Variants in JAK1 observed in about 807,000 individuals in gnomAD.
The protein encoded by JAK1 is tyrosine-protein kinase JAK1.
In JAK1, 16 loss-of-function variants were observed where a neutral mutation model predicts 136.6. The ratio of observed to expected loss-of-function variants is 0.12; its 90% CI spans 0.08 to 0.18. The LOEUF (loss-of-function observed/expected upper bound fraction) is 0.18. JAK1 is among the 10% of genes least tolerant of loss of function. The probability of loss-of-function intolerance (pLI) is 1.00; values close to 1 mark genes in which losing one functional copy is unlikely to be tolerated. For missense variants in JAK1, 859 were observed against 1,450.1 expected, an observed-to-expected ratio of 0.59 and a Z score of 6.62; for synonymous variants, 492 against 519.5, an observed-to-expected ratio of 0.95 and a Z score of 0.72.
intron 1 of JAK1, among the ~76,000 whole-genome samples, chr1:65,065,445 A>G (rs1381649452): frequency 6.6e-6 from 1 of 152,146 alleles, no homozygotes; most frequent in Non-Finnish European, 1.5e-5. Context: ...TAAGGAACAG[A>G]GGGTGACAAC....
At chr1:64,851,052 C>A in intron 11 of JAK1, 142 bp from the exon 12 acceptor site, 2 of 643,672 alleles carry the variant, frequency 3.1e-6, no homozygotes, top group Admixed American at 2.3e-5. Flanking sequence ...ATTCAATAGG[C>A]ATATGGCTCC....
chr1:64,839,541 G>T, intron 20 of JAK1, 62 bp downstream of exon 20: 1 of 1,466,274 alleles, frequency 6.8e-7, no homozygotes, highest in Non-Finnish European at 9.3e-7. Context: ...TTTTGCACTG[G>T]CCTTTATGAC....
At chr1:64,922,039 C>T (rs1373163987) in intron 1 of JAK1, among the ~76,000 whole-genome samples, 1 of 151,866 alleles carries the variant, frequency 6.6e-6, no homozygotes, top group South Asian at 2.1e-4. Flanking sequence ...GACATTTAGA[C>T]ATTCCATCAC....
chr1:64,869,496 C>T (rs1474756720), intron 5 of JAK1, 22 bp from the exon 6 acceptor site: 2 of 1,607,652 alleles, frequency 1.2e-6, no homozygotes, highest in Admixed American at 3.4e-5. Flanking sequence ...GGGGAGAAAC[C>T]ATGAGAGCCC....
At chr1:64,848,633 T>G (rs1570629846) in intron 12 of JAK1, among the ~76,000 whole-genome samples, 3 of 152,310 alleles carry the variant, frequency 2.0e-5, no homozygotes, top group South Asian at 4.1e-4. Flanking sequence ...CAAGTTGCAA[T>G]AATTCTGCTT....
chr1:65,034,250 G>A (rs1431816656), intron 2 of JAK1, among the ~76,000 whole-genome samples: 6 of 152,172 alleles, frequency 3.9e-5, no homozygotes, highest in Non-Finnish European at 8.8e-5. Flanking sequence ...ATATAAATAG[G>A]GTGAGATCAG....
At chr1:64,987,668 T>C (rs966319120) in intron 2 of JAK1, 4 of 152,230 alleles carry the variant, frequency 2.6e-5, no homozygotes, top group Non-Finnish European at 5.9e-5. Context: ...TAAGTCTTCC[T>C]GCAGCCTGAA....
chr1:64,888,072 C>A (rs1173258477), intron 1 of JAK1, among the ~76,000 whole-genome samples: 2 of 152,240 alleles, frequency 1.3e-5, no homozygotes, highest in African/African-American at 4.8e-5. Context: ...GGTCACAACT[C>A]AGCCTTTTAG....
intron 1 of JAK1, among the ~76,000 whole-genome samples, chr1:64,886,941 T>C (rs1422653780): frequency 6.6e-6 from 1 of 152,228 alleles, no homozygotes; most frequent in Non-Finnish European, 1.5e-5. Flanking sequence ...CTCAGTTTTC[T>C]GTCTGGCCAC....
chr1:64,866,224 T>G (rs769217025), intron 7 of JAK1, among the ~76,000 whole-genome samples: 8 of 152,218 alleles, frequency 5.3e-5, no homozygotes, highest in Non-Finnish European at 1.2e-4. Context: ...GGAGTAATTT[T>G]TAGCTGCTGA....
intron 1 of JAK1, among the ~76,000 whole-genome samples, chr1:64,906,608 C>T (rs908384429): frequency 6.6e-6 from 1 of 152,202 alleles, no homozygotes; most frequent in African/African-American, 2.4e-5. Context: ...ACCTACACTG[C>T]TACTACGCCA....
chr1:65,046,880 T>G (rs1015532498), intron 1 of JAK1, among the ~76,000 whole-genome samples: 3 of 148,320 alleles, frequency 2.0e-5, no homozygotes, highest in African/African-American at 7.7e-5. Context: ...CTCTTTTTTT[T>G]TTTTTTTTTT....
chr1:64,987,851 G>C (rs1265365473), intron 2 of JAK1, among the ~76,000 whole-genome samples: 1 of 152,176 alleles, frequency 6.6e-6, no homozygotes, highest in Non-Finnish European at 1.5e-5. Context: ...TGGACTGTCT[G>C]GAGATAACAT....
intron 1 of JAK1, among the ~76,000 whole-genome samples, chr1:64,942,888 T>TA (rs975508407): frequency 1.3e-5 from 2 of 152,054 alleles, no homozygotes; most frequent in Non-Finnish European, 2.9e-5. Flanking sequence ...TTAATTTTTT[T>TA]AAAAAAAGAA....
In JAK1 at chr1:64,908,739, T is replaced by TAC. The variant is rs3050464; in HGVS notation, c.-77-22400_-77-22399dup. Among the ~76,000 whole-genome samples the TAC allele has an allele frequency of 1.5e-4, 22 of 150,588 alleles. No individual in the cohort carries two copies. The South Asian group carries it at 1.7e-3, about 11-fold the overall frequency. Reference sequence around the variant, plus strand: ...ACTGTGTGTATGTTCATGGCAAACATACACACACACACACACACCCCTTGT... The same window carrying TAC: ...ACTGTGTGTATGTTCATGGCAAACATACACACACACACACACACACCCCTTGT... On this transcript the variant is annotated intron_variant, in intron 1 of 24. Transcript: ENST00000342505.
At chr1:64,955,659 C>T (rs777846765) in intron 1 of JAK1, among the ~76,000 whole-genome samples, 1 of 152,178 alleles carries the variant, frequency 6.6e-6, no homozygotes, top group Non-Finnish European at 1.5e-5. Context: ...GATCAGTAGT[C>T]AGACACGGAA....
intron 1 of JAK1, among the ~76,000 whole-genome samples, chr1:65,058,037 T>C (rs542598105): frequency 7.9e-5 from 12 of 152,308 alleles, no homozygotes; most frequent in African/African-American, 1.4e-4. Context: ...GCTTTTTTTT[T>C]CTCCCTGTAA....
At chr1:64,986,076 AC>A in intron 2 of JAK1, 1 of 1,090,508 alleles carries the variant, frequency 9.2e-7, no homozygotes, top group Non-Finnish European at 1.4e-6. Context: ...AGATGGGGTG[AC>A]CTTCTATGTC....
intron 1 of JAK1, among the ~76,000 whole-genome samples, chr1:64,941,088 T>C (rs934262268): frequency 6.6e-5 from 10 of 152,166 alleles, no homozygotes; most frequent in African/African-American, 2.4e-4. Context: ...CACCTGAACA[T>C]GCAAGGCAGG....
Sources: allele counts gnomAD v4.1 joint callset (sites outside exome capture counted in the v4.1 genomes callset), GRCh38; gene constraint gnomAD v4.1.1; transcripts MANE v1.5; gene names NCBI Gene and HGNC (gene_info 2026-07-23, HGNC 2026-07-21).